Variants in DNAH5 observed in about 807,000 individuals in gnomAD.
The protein encoded by DNAH5 is dynein axonemal heavy chain 5, also known as axonemal beta dynein heavy chain 5.
A neutral mutation model predicts 518.2 loss-of-function variants in DNAH5; 372 were observed. The ratio of observed to expected loss-of-function variants is 0.72; its 90% confidence interval spans 0.66 to 0.78. The LOEUF (loss-of-function observed/expected upper bound fraction) is 0.78, where lower values mean the gene tolerates loss of function less well. Among genes scored for constraint, DNAH5 ranks in the 30% least tolerant of loss-of-function variants. DNAH5 has a pLI of 0.00. For synonymous variants in DNAH5, 2,039 were observed against 2,025.9 expected (o/e 1.01, Z -0.17); for missense variants, 5,523 against 5,687.0 (o/e 0.97, Z 0.93).
At chr5:13,895,672 C>A (rs189058642) in intron 15 of DNAH5, among the ~76,000 whole-genome samples, 54 of 152,204 alleles carry the variant, frequency 3.5e-4, no homozygotes, top group African/African-American at 1.3e-3. Flanking sequence ...CTTTGAATTT[C>A]ATCCAGATGC....
At chr5:13,778,537 G>GA (rs1411123560) in intron 53 of DNAH5, among the ~76,000 whole-genome samples, 172 of 69,362 alleles carry the variant, frequency 2.5e-3, no homozygotes, top group African/African-American at 2.1e-3. Context: ...GAGAGAGAGA[G>GA]AGAAGAAAGA....
At chr5:13,802,125 T>G (rs1397696079) in intron 47 of DNAH5, among the ~76,000 whole-genome samples, 2 of 152,212 alleles carry the variant, frequency 1.3e-5, no homozygotes, top group African/African-American at 4.8e-5. Flanking sequence ...TACTGTTCTT[T>G]GAGAATAGAC....
intron 15 of DNAH5, chr5:13,898,338 T>A: frequency 2.6e-6 from 1 of 379,992 alleles, no homozygotes; most frequent in Non-Finnish European, 4.6e-6. Flanking sequence ...AATTCCATAA[T>A]CTTATAATTA....
chr5:13,962,958 G>A (rs999293694), intron 1 of DNAH5, among the ~76,000 whole-genome samples: 9 of 152,228 alleles, frequency 5.9e-5, no homozygotes, highest in African/African-American at 2.2e-4. Context: ...CCCCACAGCA[G>A]CGGTGCATCC....
At chr5:13,949,201 A>G (rs1055665709), upstream of DNAH5, among the ~76,000 whole-genome samples, 2 of 152,246 alleles carry the variant, frequency 1.3e-5, no homozygotes, top group African/African-American at 2.4e-5. Context: ...GGAAATGTAA[A>G]TAAAGCTCTA....
At chr5:13,799,269 T>C (rs1227797520) in intron 47 of DNAH5, among the ~76,000 whole-genome samples, 2 of 148,948 alleles carry the variant, frequency 1.3e-5, no homozygotes, top group African/African-American at 4.9e-5. Flanking sequence ...TTTCAATGAA[T>C]TGAAATGCAC....
chr5:13,728,135 T>C (rs912626340), intron 69 of DNAH5, among the ~76,000 whole-genome samples: 1 of 152,186 alleles, frequency 6.6e-6, no homozygotes, highest in Non-Finnish European at 1.5e-5. Flanking sequence ...CAATACTCTA[T>C]TAATCTAGAG....
intron 76 of DNAH5, 133 bp from the exon 77 acceptor site, chr5:13,701,569 G>GA: frequency 1.2e-6 from 1 of 847,474 alleles, no homozygotes; most frequent in Non-Finnish European, 1.9e-6. Context: ...CCTAAGTCAT[G>GA]AATTTTCCCT....
At chr5:13,825,374 T>C (rs190218299) in intron 38 of DNAH5, among the ~76,000 whole-genome samples, 1 of 151,494 alleles carries the variant, frequency 6.6e-6, no homozygotes, top group African/African-American at 2.4e-5. Context: ...AATAAATAAA[T>C]AATAAAAGCA....
intron 8 of DNAH5, among the ~76,000 whole-genome samples, chr5:13,916,853 C>G (rs1478945652): frequency 6.6e-6 from 1 of 151,892 alleles, no homozygotes; most frequent in Non-Finnish European, 1.5e-5. Context: ...TTCAGAATGT[C>G]CTTTGCAATA....
At chr5:13,886,498 C>T (rs552035778) in intron 17 of DNAH5, among the ~76,000 whole-genome samples, 1 of 152,184 alleles carries the variant, frequency 6.6e-6, no homozygotes, top group African/African-American at 2.4e-5. Flanking sequence ...CCATAGTCAT[C>T]CCCTCATTAA....
Position 13,830,645 on chromosome 5 carries a change from T to G in DNAH5, c.6013A>C (p.Asn2005His). 6.2e-7 allele frequency: 1 copy of G among 1,614,174 alleles called. No homozygotes were observed. Among genetic ancestry groups the G allele is most frequent in the Non-Finnish European group, 8.5e-7 (1 of 1,180,026 alleles). Residue 2005 changes from asparagine (N) to histidine (H), a missense_variant, in exon 36 of 79, where the codon AAT becomes CAT. Physicochemically the swap from Asn to His is moderately conservative, Grantham distance 68. Transcript: ENST00000265104. ...CGGAAATCCATCTGGTCTGAACAAT[T>G]GAAAACCACGACGTATTTCCCGAGG... is the stretch of plus-strand genomic sequence containing the variant. ...RCLGKYVVVFNCSDQMDFRGL... is the reference protein window; with the variant it reads ...RCLGKYVVVFHCSDQMDFRGL...
intron 1 of DNAH5, among the ~76,000 whole-genome samples, chr5:13,972,616 C>T (rs913048147): frequency 6.6e-6 from 1 of 152,146 alleles, no homozygotes; most frequent in African/African-American, 2.4e-5. Context: ...CTTCAGGTTC[C>T]GCAGTGAGGA....
chr5:13,839,570 A>G, intron 34 of DNAH5, 42 bp from the exon 35 acceptor site: 1 of 1,527,022 alleles, frequency 6.5e-7, no homozygotes. Flanking sequence ...GATGAGAATC[A>G]CTCATTAAAT....
intron 15 of DNAH5, chr5:13,896,881 G>A (rs1019756138): frequency 6.6e-6 from 1 of 152,040 alleles, no homozygotes; most frequent in African/African-American, 2.4e-5. Context: ...AAATACAGTT[G>A]GTATTAAGGT....
intron 30 of DNAH5, among the ~76,000 whole-genome samples, chr5:13,852,862 A>T (rs977508545): frequency 6.6e-6 from 1 of 152,218 alleles, no homozygotes; most frequent in Non-Finnish European, 1.5e-5. Flanking sequence ...AAAAGGCAGC[A>T]GCCTCAGTCA....
chr5:13,747,183 C>G (rs897997130), intron 65 of DNAH5, among the ~76,000 whole-genome samples: 1 of 152,080 alleles, frequency 6.6e-6, no homozygotes, highest in African/African-American at 2.4e-5. Context: ...ATGATGGTTT[C>G]CAGCTTCATC....
At chr5:13,810,006 T>C (rs1439822323) in intron 45 of DNAH5, 53 bp downstream of exon 45, 34 of 1,481,314 alleles carry the variant, frequency 2.3e-5, no homozygotes, top group Middle Eastern at 2.3e-4. Context: ...ATATTGGCCA[T>C]GTAGGAAAGA....
intron 65 of DNAH5, among the ~76,000 whole-genome samples, chr5:13,741,288 A>G (rs564781893): frequency 5.9e-5 from 9 of 152,342 alleles, no homozygotes; most frequent in Non-Finnish European, 1.3e-4. Context: ...CTCACAACTC[A>G]TGCTCTGAGC....
Sources: gnomAD v4.1 joint callset for allele counts (sites outside exome capture counted in the v4.1 genomes callset) on GRCh38, gnomAD v4.1.1 for gene constraint, MANE v1.5 for transcripts, NCBI Gene and HGNC (gene_info 2026-07-23, HGNC 2026-07-21) for gene names.